SORCS2: variants seen among roughly 807,000 people sequenced by gnomAD.
The protein encoded by SORCS2 is VPS10 domain-containing receptor SorCS2.
Under a neutral mutation model 141.6 loss-of-function variants are expected in SORCS2, and 100 were observed. The ratio of observed to expected loss-of-function variants is 0.71; its 90% CI spans 0.60 to 0.83. The LOEUF is 0.83. SORCS2 is among the 40% of genes least tolerant of loss of function. SORCS2 has a pLI of 0.00. For missense variants in SORCS2, 1,646 were observed against 1,560.2 expected (o/e 1.05, Z -0.93); for synonymous variants, 789 against 676.9 (o/e 1.17, Z -2.57).
rs112658522 is a variant in SORCS2, at chr4:7,708,302, G to A, written c.1868+4018G>A. On this transcript the variant is annotated intron_variant, in intron 14 of 26. Transcript: ENST00000507866. Reference sequence around the variant, plus strand: ...ACTCCACAGCAGACAGACAGGTCCCGGCTGGCCTTCCCAGGCCATGCATTG... The same window carrying A: ...ACTCCACAGCAGACAGACAGGTCCCAGCTGGCCTTCCCAGGCCATGCATTG... Among the ~76,000 whole-genome samples the A allele has an allele frequency of 3.9e-3, 592 of 152,276 alleles. 4 individuals are homozygous for A. Among genetic ancestry groups the A allele is most frequent in the African/African-American group, 0.014 (567 of 41,556 alleles).
Position 7,226,333 on chromosome 4 carries a change from C to G in SORCS2, c.480+33207C>G, listed in dbSNP as rs144925914. 2.3e-3 allele frequency among the ~76,000 whole-genome samples: 357 copies of G among 152,294 alleles called. 1 individual carries two copies. The highest frequency in any genetic ancestry group is 7.7e-3 in the African/African-American group (320 of 41,552). On this transcript the variant is annotated intron_variant, in intron 1 of 26. Coordinates refer to ENST00000507866, the MANE Select transcript of SORCS2 (RefSeq NM_020777.3). ...AGCAGAGCCTGGATTGGAACCTGGG[C>G]CTGTCTGACCTCAAGCCTGGCCTTG...
intron 1 of SORCS2, among the ~76,000 whole-genome samples, chr4:7,281,759 C>T (rs1003867909): frequency 6.6e-6 from 1 of 152,226 alleles, no homozygotes; most frequent in African/African-American, 2.4e-5. Flanking sequence ...CCTCTCACCT[C>T]CTGCCTTCCC....
chr4:7,218,270 A>G (rs1294321949), intron 1 of SORCS2, among the ~76,000 whole-genome samples: 5 of 152,152 alleles, frequency 3.3e-5, no homozygotes, highest in South Asian at 4.1e-4. Context: ...GTCACCTCCT[A>G]TTTGTGCTGC....
chr4:7,227,769 C>T (rs1711525225), intron 1 of SORCS2, among the ~76,000 whole-genome samples: 2 of 152,210 alleles, frequency 1.3e-5, no homozygotes, highest in Non-Finnish European at 2.9e-5. Flanking sequence ...TCTGGGTCCT[C>T]AGGCAGAGCG....
chr4:7,283,022 CTCATTTATTCATCCAT>C (rs1162773015), intron 1 of SORCS2, among the ~76,000 whole-genome samples: 1 of 151,892 alleles, frequency 6.6e-6, no homozygotes, highest in Non-Finnish European at 1.5e-5. Context: ...CACCCATTCA[CTCATTTATTCATCCAT>C]TCATTCACTC....
chr4:7,464,739 T>C (rs4411993), intron 2 of SORCS2, among the ~76,000 whole-genome samples: 135,466 of 152,284 alleles, frequency 0.89, 60,529 homozygotes, highest in African/African-American at 0.96. Flanking sequence ...AAAGCTCACC[T>C]TGAATTTCCT....
intron 2 of SORCS2, among the ~76,000 whole-genome samples, chr4:7,436,121 C>T (rs146563585): frequency 1.2e-3 from 179 of 152,316 alleles, no homozygotes; most frequent in African/African-American, 4.0e-3. Context: ...GCAGTGACTT[C>T]CAAGGACTCT....
intron 2 of SORCS2, among the ~76,000 whole-genome samples, chr4:7,469,187 C>T (rs1338951279): frequency 6.7e-6 from 1 of 149,824 alleles, no homozygotes; most frequent in African/African-American, 2.5e-5. Flanking sequence ...GTGGTGATGT[C>T]GATGATGGTG....
intron 2 of SORCS2, among the ~76,000 whole-genome samples, chr4:7,412,740 C>A (rs1335381147): frequency 6.6e-6 from 1 of 152,060 alleles, no homozygotes; most frequent in Non-Finnish European, 1.5e-5. Context: ...TCTCCCCAAG[C>A]ACCCTTGCTG....
chr4:7,521,797 C>G (rs1159096155), intron 2 of SORCS2, among the ~76,000 whole-genome samples: 1 of 152,226 alleles, frequency 6.6e-6, no homozygotes, highest in Non-Finnish European at 1.5e-5. Context: ...ATACATGTAC[C>G]CTCAAGAGGG....
intron 1 of SORCS2, among the ~76,000 whole-genome samples, chr4:7,365,088 G>A (rs997170308): frequency 6.6e-6 from 1 of 152,248 alleles, no homozygotes; most frequent in African/African-American, 2.4e-5. Flanking sequence ...CATCACAAGG[G>A]TTCTTAGCGT....
intron 1 of SORCS2, among the ~76,000 whole-genome samples, chr4:7,383,142 T>C (rs1331146531): frequency 1.3e-5 from 2 of 152,134 alleles, no homozygotes; most frequent in African/African-American, 4.8e-5. Context: ...CATGGATGCT[T>C]CTCCCAGCAG....
chr4:7,582,470 C>T (rs1225859956), intron 3 of SORCS2, among the ~76,000 whole-genome samples: 3 of 152,126 alleles, frequency 2.0e-5, no homozygotes, highest in African/African-American at 7.2e-5. Flanking sequence ...AAACAGGGTG[C>T]GGCCGGAAAG....
At chr4:7,455,824 G>A (rs1268299779) in intron 2 of SORCS2, among the ~76,000 whole-genome samples, 1 of 152,172 alleles carries the variant, frequency 6.6e-6, no homozygotes, top group African/African-American at 2.4e-5. Flanking sequence ...CTCTGTGTTG[G>A]GGTCATGCTC....
chr4:7,553,277 C>T (rs2109641355), intron 3 of SORCS2, among the ~76,000 whole-genome samples: 1 of 151,770 alleles, frequency 6.6e-6, no homozygotes, highest in Non-Finnish European at 1.5e-5. Flanking sequence ...AGCCAATCCT[C>T]ATATTCTGAT....
At chr4:7,608,318 C>T (rs1372834942) in intron 3 of SORCS2, among the ~76,000 whole-genome samples, 1 of 152,172 alleles carries the variant, frequency 6.6e-6, no homozygotes, top group Non-Finnish European at 1.5e-5. Context: ...CCCAGGATCT[C>T]CGGACCACGT....
At chr4:7,461,225 C>A (rs1390857696) in intron 2 of SORCS2, among the ~76,000 whole-genome samples, 1 of 152,214 alleles carries the variant, frequency 6.6e-6, no homozygotes, top group Non-Finnish European at 1.5e-5. Flanking sequence ...TCGCTCTTTC[C>A]CTCTGCCGTC....
At chr4:7,527,640 T>C (rs4429728) in intron 2 of SORCS2, among the ~76,000 whole-genome samples, 85,266 of 152,046 alleles carry the variant, frequency 0.56, 24,636 homozygotes, top group East Asian at 0.91. Context: ...GGTTTTAAGC[T>C]GCTGAGTCTG....
intron 1 of SORCS2, among the ~76,000 whole-genome samples, chr4:7,338,979 C>A (rs1202488488): frequency 1.3e-5 from 2 of 152,142 alleles, no homozygotes; most frequent in African/African-American, 4.8e-5. Flanking sequence ...CCCAGCAACC[C>A]CCTGACACAC....
Sources: gnomAD v4.1 joint callset for allele counts (sites outside exome capture counted in the v4.1 genomes callset) on GRCh38, gnomAD v4.1.1 for gene constraint, MANE v1.5 for transcripts, NCBI Gene and HGNC (gene_info 2026-07-23, HGNC 2026-07-21) for gene names.